Variants in TSHZ2 observed in about 807,000 individuals in gnomAD.
TSHZ2 encodes the protein teashirt homolog 2.
Under a neutral mutation model 74.4 loss-of-function variants are expected in TSHZ2, and 21 were observed. That is an observed-to-expected ratio of 0.28 (90% confidence interval 0.20 to 0.41). The LOEUF (loss-of-function observed/expected upper bound fraction) is 0.41. Among genes scored for constraint, TSHZ2 ranks in the 10% least tolerant of loss-of-function variants. The probability of loss-of-function intolerance (pLI) is 1.00; values close to 1 mark genes in which losing one functional copy is unlikely to be tolerated. For missense variants in TSHZ2, 1,244 were observed against 1,293.5 expected, an observed-to-expected ratio of 0.96 and a Z score of 0.59; for synonymous variants, 540 against 515.3, an observed-to-expected ratio of 1.05 and a Z score of -0.65.
chr20:53,411,874 GAATTA>G (rs1481292776), intron 2 of TSHZ2, among the ~76,000 whole-genome samples: 2 of 152,106 alleles, frequency 1.3e-5, no homozygotes, highest in Non-Finnish European at 2.9e-5. Flanking sequence ...CTCATAGATG[GAATTA>G]AATTAGCCTA....
chr20:53,172,592 C>T (rs1018679136), intron 1 of TSHZ2, among the ~76,000 whole-genome samples: 4 of 151,816 alleles, frequency 2.6e-5, no homozygotes, highest in South Asian at 2.1e-4. Context: ...AAGCTTGAAT[C>T]GTTTGTAAAA....
intron 2 of TSHZ2, among the ~76,000 whole-genome samples, chr20:53,463,314 G>T (rs1447761928): frequency 6.6e-6 from 1 of 151,652 alleles, no homozygotes; most frequent in African/African-American, 2.4e-5. Context: ...ATGAGCCCAT[G>T]AGCCTAGGAG....
intron 1 of TSHZ2, among the ~76,000 whole-genome samples, chr20:53,030,853 CT>C (rs1043696640): frequency 1.3e-5 from 2 of 152,056 alleles, no homozygotes; most frequent in East Asian, 1.9e-4. Flanking sequence ...GTTTTACAAT[CT>C]TTTTTTTCCT....
At chr20:53,052,177 C>G (rs1984492292) in intron 1 of TSHZ2, among the ~76,000 whole-genome samples, 1 of 152,174 alleles carries the variant, frequency 6.6e-6, no homozygotes, top group Non-Finnish European at 1.5e-5. Context: ...TATTTTATTT[C>G]CTGTTTCTAA....
At chr20:53,482,952 T>A (rs1986196253) in intron 2 of TSHZ2, among the ~76,000 whole-genome samples, 5 of 152,084 alleles carry the variant, frequency 3.3e-5, no homozygotes, top group African/African-American at 4.8e-5. Flanking sequence ...AAAATAATAA[T>A]GTGTTTTCCC....
intron 1 of TSHZ2, among the ~76,000 whole-genome samples, chr20:53,143,507 C>T (rs978961834): frequency 1.3e-5 from 2 of 152,122 alleles, no homozygotes; most frequent in African/African-American, 4.8e-5. Flanking sequence ...TCCTGGCTAA[C>T]ACAGTGAAAC....
intron 1 of TSHZ2, among the ~76,000 whole-genome samples, chr20:53,214,409 G>A (rs1989387508): frequency 6.6e-6 from 1 of 152,176 alleles, no homozygotes; most frequent in Admixed American, 6.5e-5. Flanking sequence ...GGTATGGGAA[G>A]GGGCTTTTAA....
chr20:53,452,526 G>A (rs1984834488), intron 2 of TSHZ2, among the ~76,000 whole-genome samples: 1 of 151,824 alleles, frequency 6.6e-6, no homozygotes, highest in Non-Finnish European at 1.5e-5. Flanking sequence ...TTGAACCTGG[G>A]AGGTGGAGCC....
intron 2 of TSHZ2, among the ~76,000 whole-genome samples, chr20:53,432,091 T>A (rs937679746): frequency 6.6e-6 from 1 of 152,186 alleles, no homozygotes; most frequent in Non-Finnish European, 1.5e-5. Context: ...CCGAGTAGTG[T>A]ACCCAAAATG....
chr20:53,025,723 A>AT (rs1983414777), intron 1 of TSHZ2, among the ~76,000 whole-genome samples: 2 of 152,348 alleles, frequency 1.3e-5, no homozygotes, highest in East Asian at 1.9e-4. Context: ...TCAATTTCTT[A>AT]TATGATCTTC....
At chr20:53,082,682 C>A (rs1480108435) in intron 1 of TSHZ2, among the ~76,000 whole-genome samples, 6 of 152,232 alleles carry the variant, frequency 3.9e-5, no homozygotes, top group Non-Finnish European at 8.8e-5. Flanking sequence ...AGCTGCAAAG[C>A]TGTCTAAACA....
chr20:53,394,772 A>C (rs993170780), intron 2 of TSHZ2, among the ~76,000 whole-genome samples: 5 of 150,450 alleles, frequency 3.3e-5, no homozygotes, highest in African/African-American at 1.2e-4. Flanking sequence ...AAAAAAAAAA[A>C]AAAAAAAACT....
chr20:53,333,573 A>G lies in TSHZ2; in HGVS notation c.*8+77002A>G, dbSNP rs1046321966. On this transcript the variant is annotated intron_variant, in intron 2 of 2. Transcript: ENST00000371497. ...CGGGTTCACGCCATTATCCTGCCTC[A>G]GCCTCCCAAGTAGCTGGGACTATAG... Among the ~76,000 whole-genome samples the G allele has an allele frequency of 3.9e-5, 6 of 151,968 alleles. No individual in the cohort carries two copies. In the East Asian group the frequency reaches 1.2e-3, roughly 29 times the overall value.
intron 2 of TSHZ2, among the ~76,000 whole-genome samples, chr20:53,312,488 AAAGCGACAGGAG>A (rs1978834905): frequency 6.6e-6 from 1 of 152,186 alleles, no homozygotes; most frequent in Non-Finnish European, 1.5e-5. Context: ...CAAAAATTCA[AAAGCGACAGGAG>A]CCAGGCAGGT....
At chr20:53,102,648 T>C (rs567619863) in intron 1 of TSHZ2, among the ~76,000 whole-genome samples, 26 of 152,204 alleles carry the variant, frequency 1.7e-4, no homozygotes, top group African/African-American at 5.8e-4. Flanking sequence ...GGTTCTACAA[T>C]AGTGATTCTA....
At chr20:53,240,358 C>A (rs1433083400) in intron 1 of TSHZ2, among the ~76,000 whole-genome samples, 1 of 152,098 alleles carries the variant, frequency 6.6e-6, no homozygotes, top group African/African-American at 2.4e-5. Flanking sequence ...TGGGAAGCAA[C>A]CATAGTGTCT....
intron 2 of TSHZ2, among the ~76,000 whole-genome samples, chr20:53,277,029 G>A (rs935338858): frequency 3.3e-5 from 5 of 152,198 alleles, no homozygotes; most frequent in South Asian, 2.1e-4. Context: ...AAAACAAGGA[G>A]AGGCCCAAAA....
At chr20:53,396,564 G>T (rs974949520) in intron 2 of TSHZ2, among the ~76,000 whole-genome samples, 2 of 152,084 alleles carry the variant, frequency 1.3e-5, no homozygotes, top group African/African-American at 4.8e-5. Flanking sequence ...AAGAGAGAGA[G>T]ACCAGGTATG....
At chr20:53,387,754 A>G (rs1376993873) in intron 2 of TSHZ2, among the ~76,000 whole-genome samples, 1 of 152,156 alleles carries the variant, frequency 6.6e-6, no homozygotes, top group African/African-American at 2.4e-5. Context: ...ATGATAACTT[A>G]AAAGATAACT....
Sources: gnomAD v4.1 joint callset for allele counts (sites outside exome capture counted in the v4.1 genomes callset) on GRCh38, gnomAD v4.1.1 for gene constraint, MANE v1.5 for transcripts, NCBI Gene and HGNC (gene_info 2026-07-23, HGNC 2026-07-21) for gene names.